The following CLASP1 variants were observed in gnomAD, a reference collection of about 807,000 sequenced individuals.
The protein encoded by CLASP1 is cytoplasmic linker associated protein 1.
In CLASP1, 38 loss-of-function variants were observed where a neutral mutation model predicts 192.3. That is an observed-to-expected ratio of 0.20 (90% CI 0.15 to 0.26). The LOEUF is 0.26. Among genes scored for constraint, CLASP1 ranks in the 10% least tolerant of loss-of-function variants. The pLI is 1.00. For missense variants in CLASP1, 1,433 were observed against 1,932.5 expected, an observed-to-expected ratio of 0.74 and a Z score of 4.85; for synonymous variants, 691 against 712.8, an observed-to-expected ratio of 0.97 and a Z score of 0.49.
chr2:121,338,442 C>A (rs934940), exon 40 of CLASP1: 41,887 of 152,192 alleles, frequency 0.28, 7,295 homozygotes, highest in African/African-American at 0.49. Flanking sequence ...CTGGCCAGTC[C>A]GGTAGACAGG....
At chr2:121,639,564 C>A (rs1270900728) in intron 1 of CLASP1, among the ~76,000 whole-genome samples, 1 of 151,904 alleles carries the variant, frequency 6.6e-6, no homozygotes, top group Non-Finnish European at 1.5e-5. Context: ...TAATTGCATA[C>A]TTAATAATGG....
exon 40 of CLASP1, chr2:121,340,719 T>C: frequency 3.2e-6 from 2 of 633,554 alleles, no homozygotes; most frequent in East Asian, 5.5e-5. Flanking sequence ...ACAGAAAAGC[T>C]GGAAGGGACC....
At chr2:121,645,133 G>A (rs2106366814) in intron 1 of CLASP1, among the ~76,000 whole-genome samples, 1 of 152,230 alleles carries the variant, frequency 6.6e-6, no homozygotes, top group East Asian at 1.9e-4. Context: ...CAGGGGCCAT[G>A]GATGTCTCTT....
chr2:121,458,864 A>G (rs997738485), exon 13 of CLASP1: 14 of 1,610,932 alleles, frequency 8.7e-6, no homozygotes, highest in African/African-American at 1.3e-5. Context: ...TAACAGCTAC[A>G]ACACCAGATG....
At chr2:121,450,804 T>C in intron 16 of CLASP1, 109 bp downstream of exon 16, 4 of 735,758 alleles carry the variant, frequency 5.4e-6, no homozygotes, top group Non-Finnish European at 2.2e-6. Flanking sequence ...TTAAAAGTCA[T>C]GGTTAACAAA....
intron 2 of CLASP1, among the ~76,000 whole-genome samples, chr2:121,550,005 C>CAAAAA (rs59439843): frequency 3.6e-5 from 2 of 55,670 alleles, no homozygotes; most frequent in East Asian, 4.9e-4. Flanking sequence ...GACTCCGTCT[C>CAAAAA]AAAAAAAAAA....
chr2:121,415,565 A>G (rs2078436214), intron 23 of CLASP1, among the ~76,000 whole-genome samples: 1 of 152,268 alleles, frequency 6.6e-6, no homozygotes, highest in South Asian at 2.1e-4. Flanking sequence ...ATTATGAAAT[A>G]AAGACTTGGT....
chr2:121,576,080 T>C (rs779274826), intron 2 of CLASP1, among the ~76,000 whole-genome samples: 13 of 152,340 alleles, frequency 8.5e-5, no homozygotes, highest in Non-Finnish European at 1.5e-4. Context: ...CATCAAAAAA[T>C]CTTGTGGAAT....
At chr2:121,384,053 C>T (rs944773208) in intron 32 of CLASP1, among the ~76,000 whole-genome samples, 7 of 135,388 alleles carry the variant, frequency 5.2e-5, no homozygotes, top group African/African-American at 1.1e-4. Flanking sequence ...TATATACACA[C>T]ATATATGTAT....
chr2:121,338,335 C>G (rs544224228), exon 40 of CLASP1: 4 of 152,422 alleles, frequency 2.6e-5, no homozygotes, highest in African/African-American at 9.6e-5. Flanking sequence ...ACCGGCTGCA[C>G]CCTGCCCAGA....
intron 19 of CLASP1, among the ~76,000 whole-genome samples, chr2:121,439,589 A>G (rs1422008265): frequency 6.6e-6 from 1 of 152,054 alleles, no homozygotes; most frequent in East Asian, 1.9e-4. Context: ...TGTACCCAGT[A>G]GTCATTCAGG....
At chr2:121,534,691 C>T (rs1252341630) in intron 2 of CLASP1, among the ~76,000 whole-genome samples, 2 of 151,996 alleles carry the variant, frequency 1.3e-5, no homozygotes, top group Non-Finnish European at 2.9e-5. Flanking sequence ...ATCAGCCCAG[C>T]TAATTTTTGT....
At chr2:121,506,675 C>T (rs1244414781) in intron 7 of CLASP1, among the ~76,000 whole-genome samples, 1 of 152,122 alleles carries the variant, frequency 6.6e-6, no homozygotes, top group African/African-American at 2.4e-5. Context: ...ACACTCTGAA[C>T]AAGCAGGAAG....
chr2:121,585,055 T>C (rs2061570026), intron 2 of CLASP1, among the ~76,000 whole-genome samples: 1 of 152,194 alleles, frequency 6.6e-6, no homozygotes, highest in Admixed American at 6.5e-5. Flanking sequence ...GACAACCCTA[T>C]GGATCAACAC....
rs1263669669 is a variant in CLASP1 at position 121,363,089 on chromosome 2, T to C, written c.4206+83A>G. On this transcript the variant is annotated intron_variant, in intron 37 of 39. Coordinates refer to ENST00000263710, the Ensembl canonical transcript of CLASP1. ...AGGAAGGGGCTCTTAAGCTGTGCAC[T>C]GATTCTGATTCCTCTATCTCCATGT... 4 of 1,554,666 alleles carry C rather than the reference T, an allele frequency of 2.6e-6. No homozygotes were observed. In the African/African-American group the frequency reaches 4.1e-5, roughly 16 times the overall value.
At chr2:121,454,958 A>C (rs2086305196) in intron 14 of CLASP1, among the ~76,000 whole-genome samples, 1 of 152,208 alleles carries the variant, frequency 6.6e-6, no homozygotes. Flanking sequence ...GGGTACCTTT[A>C]TACCTAACAA....
chr2:121,372,303 T>TC (rs2068913128), intron 34 of CLASP1, among the ~76,000 whole-genome samples: 1 of 152,214 alleles, frequency 6.6e-6, no homozygotes, highest in African/African-American at 2.4e-5. Context: ...TCTCCTGGTC[T>TC]CCCTCCTGTC....
intron 2 of CLASP1, among the ~76,000 whole-genome samples, chr2:121,550,995 G>A (rs898055784): frequency 6.6e-6 from 1 of 152,074 alleles, no homozygotes; most frequent in Admixed American, 6.5e-5. Context: ...ACCAAATCCA[G>A]GAGCACATCA....
chr2:121,460,263 C>G (rs1017577422), intron 11 of CLASP1, 138 bp from the exon 12 acceptor site: 5 of 622,272 alleles, frequency 8.0e-6, no homozygotes, highest in African/African-American at 5.5e-5. Context: ...AGAATTCAGC[C>G]AGTTAAATAT....
Sources: gnomAD v4.1 joint callset for allele counts (sites outside exome capture counted in the v4.1 genomes callset) on GRCh38, gnomAD v4.1.1 for gene constraint, MANE v1.5 for transcripts, NCBI Gene and HGNC (gene_info 2026-07-23, HGNC 2026-07-21) for gene names.